L3MBTL4: variants seen among roughly 807,000 people sequenced by gnomAD.
L3MBTL4 encodes the protein L3MBTL histone methyl-lysine binding protein 4, also known as lethal(3)malignant brain tumor-like protein 4.
L3MBTL4 carries 70 observed loss-of-function variants against 84.5 expected under a neutral mutation model. The ratio of observed to expected loss-of-function variants is 0.83; its 90% CI spans 0.68 to 1.01. The LOEUF is 1.01. L3MBTL4 is among the 50% of genes least tolerant of loss of function. The probability of loss-of-function intolerance (pLI) is 0.00; values close to 1 mark genes in which losing one functional copy is unlikely to be tolerated. For synonymous variants in L3MBTL4, 274 were observed against 259.8 expected, an observed-to-expected ratio of 1.05 and a Z score of -0.52; for missense variants, 715 against 754.8, an observed-to-expected ratio of 0.95 and a Z score of 0.62.
At chr18:6,067,230 C>G (rs911819735) in intron 16 of L3MBTL4, among the ~76,000 whole-genome samples, 2 of 152,094 alleles carry the variant, frequency 1.3e-5, no homozygotes, top group African/African-American at 4.8e-5. Flanking sequence ...GCTCTTAAAA[C>G]TCATTCCTTC....
intron 1 of L3MBTL4, among the ~76,000 whole-genome samples, chr18:6,372,034 G>A (rs1376059359): frequency 1.3e-5 from 2 of 152,158 alleles, no homozygotes; most frequent in African/African-American, 4.8e-5. Context: ...TCTTGTCAGG[G>A]GTGCCAAGAC....
At chr18:6,123,895 C>T (rs2059605644) in intron 14 of L3MBTL4, among the ~76,000 whole-genome samples, 1 of 152,166 alleles carries the variant, frequency 6.6e-6, no homozygotes, top group Non-Finnish European at 1.5e-5. Flanking sequence ...TGACAGTTTC[C>T]ATTCCAGTGA....
At chr18:6,273,999 T>G (rs948112013) in intron 4 of L3MBTL4, among the ~76,000 whole-genome samples, 6 of 152,198 alleles carry the variant, frequency 3.9e-5, no homozygotes, top group African/African-American at 9.6e-5. Context: ...GGACCAGCAA[T>G]CCACTAAAAC....
At chr18:6,229,580 C>T (rs767924245) in intron 10 of L3MBTL4, among the ~76,000 whole-genome samples, 2 of 152,016 alleles carry the variant, frequency 1.3e-5, no homozygotes, top group African/African-American at 2.4e-5. Context: ...TTTTTCTCTA[C>T]GTTTTCTTTT....
rs1348732441 is a variant in L3MBTL4, at chr18:6,367,879, C to T, written c.-91+46922G>A. 3.3e-5 allele frequency among the ~76,000 whole-genome samples: 5 copies of T among 152,098 alleles called. No homozygotes were observed. The East Asian group carries it at 9.6e-4, about 29-fold the overall frequency. On this transcript the variant is annotated intron_variant, in intron 1 of 18. Transcript: ENST00000317931. ...ACCTCTTTTAGCCCTCACTTCAACC[C>T]CAAGGAGATAGTAGAATCATTCCCA... is the stretch of plus-strand genomic sequence containing the variant.
chr18:6,260,813 G>GTCAA (rs2048365901), intron 5 of L3MBTL4: 1 of 152,178 alleles, frequency 6.6e-6, no homozygotes, highest in South Asian at 2.1e-4. Flanking sequence ...CAATGAAAAT[G>GTCAA]AACATTAATA....
chr18:6,068,675 G>A (rs530259393), intron 16 of L3MBTL4, among the ~76,000 whole-genome samples: 1 of 152,292 alleles, frequency 6.6e-6, no homozygotes, highest in African/African-American at 2.4e-5. Flanking sequence ...GCATTCCTCT[G>A]GGAGAAGCCC....
chr18:6,109,920 A>G (rs1012316965), intron 14 of L3MBTL4, among the ~76,000 whole-genome samples: 6 of 140,630 alleles, frequency 4.3e-5, no homozygotes, highest in African/African-American at 1.6e-4. Context: ...GTCATCTGTC[A>G]GCCCACGTGC....
chr18:6,210,565 A>G (rs539756145), intron 12 of L3MBTL4, among the ~76,000 whole-genome samples: 1 of 152,346 alleles, frequency 6.6e-6, no homozygotes, highest in South Asian at 2.1e-4. Context: ...CATAACGGGT[A>G]TAACAACAGT....
At chr18:6,123,993 GA>G (rs1318838106) in intron 14 of L3MBTL4, among the ~76,000 whole-genome samples, 1 of 152,166 alleles carries the variant, frequency 6.6e-6, no homozygotes, top group East Asian at 1.9e-4. Context: ...CAGGTGTAAG[GA>G]AGGCCCACAT....
chr18:6,043,346 G>A (rs907601906), intron 16 of L3MBTL4, among the ~76,000 whole-genome samples: 1 of 152,068 alleles, frequency 6.6e-6, no homozygotes, highest in Non-Finnish European at 1.5e-5. Context: ...TTTCCTCAGA[G>A]CCACTCACTC....
intron 5 of L3MBTL4, among the ~76,000 whole-genome samples, chr18:6,247,216 T>C (rs990289873): frequency 6.6e-6 from 1 of 152,168 alleles, no homozygotes; most frequent in Non-Finnish European, 1.5e-5. Context: ...TTATTAACTG[T>C]AAATTTAACA....
chr18:6,228,425 T>C (rs1271790265), intron 10 of L3MBTL4, among the ~76,000 whole-genome samples: 1 of 152,168 alleles, frequency 6.6e-6, no homozygotes, highest in Non-Finnish European at 1.5e-5. Flanking sequence ...AATCTGCTTT[T>C]TGAACAATAT....
intron 4 of L3MBTL4, 22 bp from the exon 5 acceptor site, chr18:6,264,060 CT>C: frequency 6.5e-7 from 1 of 1,535,950 alleles, no homozygotes; most frequent in Non-Finnish European, 9.0e-7. Context: ...AACACAATGA[CT>C]TTTCTCAAAA....
At chr18:6,158,445 G>T (rs2043187372) in intron 13 of L3MBTL4, among the ~76,000 whole-genome samples, 1 of 152,128 alleles carries the variant, frequency 6.6e-6, no homozygotes, top group Non-Finnish European at 1.5e-5. Context: ...ATATACAAAG[G>T]CCTTAGGGTG....
chr18:6,377,504 G>T (rs1013772488), intron 1 of L3MBTL4, among the ~76,000 whole-genome samples: 1 of 152,094 alleles, frequency 6.6e-6, no homozygotes, highest in East Asian at 1.9e-4. Flanking sequence ...CCAGGTGTGT[G>T]ATGTTCCCCT....
chr18:6,158,739 C>T (rs2043199641), intron 13 of L3MBTL4, among the ~76,000 whole-genome samples: 1 of 152,114 alleles, frequency 6.6e-6, no homozygotes, highest in South Asian at 2.1e-4. Flanking sequence ...AGGTCAGTGG[C>T]CAAGTTAATG....
intron 14 of L3MBTL4, among the ~76,000 whole-genome samples, chr18:6,113,134 C>A (rs1185561425): frequency 6.6e-6 from 1 of 151,982 alleles, no homozygotes; most frequent in Admixed American, 6.6e-5. Flanking sequence ...TCCCAAAAAG[C>A]AATTTCAGGG....
At chr18:6,338,167 GGAGAAGGAGAAA>G (rs1393957956) in intron 1 of L3MBTL4, among the ~76,000 whole-genome samples, 3 of 151,840 alleles carry the variant, frequency 2.0e-5, no homozygotes, top group Non-Finnish European at 4.4e-5. Context: ...AGAAGAAAAT[GGAGAAGGAGAAA>G]GAGGAGGAGG....
Sources: gnomAD v4.1 joint callset for allele counts (sites outside exome capture counted in the v4.1 genomes callset) on GRCh38, gnomAD v4.1.1 for gene constraint, MANE v1.5 for transcripts, NCBI Gene and HGNC (gene_info 2026-07-23, HGNC 2026-07-21) for gene names.